Variants in JAZF1 observed in about 807,000 individuals in gnomAD.
The protein encoded by JAZF1 is juxtaposed with another zinc finger protein 1.
A neutral mutation model predicts 26.4 loss-of-function variants in JAZF1; 8 were observed. The ratio of observed to expected loss-of-function variants is 0.30; its 90% CI spans 0.18 to 0.55. The LOEUF (loss-of-function observed/expected upper bound fraction) is 0.55, where lower values mean the gene tolerates loss of function less well. Ranked by LOEUF, JAZF1 falls within the 20% of genes least tolerant of loss-of-function variation. JAZF1 has a pLI of 0.94. For synonymous variants in JAZF1, 126 were observed against 122.3 expected, an observed-to-expected ratio of 1.03 and a Z score of -0.20; for missense variants, 199 against 322.0, an observed-to-expected ratio of 0.62 and a Z score of 2.92.
intron 2 of JAZF1, among the ~76,000 whole-genome samples, chr7:27,966,934 G>C (rs967319118): frequency 6.6e-6 from 1 of 152,114 alleles, no homozygotes; most frequent in African/African-American, 2.4e-5. Context: ...AAACTGATGG[G>C]GGCATCCAGG....
intron 1 of JAZF1, among the ~76,000 whole-genome samples, chr7:28,115,042 C>G (rs975715290): frequency 2.0e-5 from 3 of 152,122 alleles, no homozygotes; most frequent in African/African-American, 7.2e-5. Flanking sequence ...CAAAGGGTCT[C>G]TGTAGGCATG....
At chr7:27,998,157 A>C (rs1786061123) in intron 1 of JAZF1, among the ~76,000 whole-genome samples, 3 of 152,108 alleles carry the variant, frequency 2.0e-5, no homozygotes, top group African/African-American at 7.2e-5. Flanking sequence ...GTTTACTTAC[A>C]CAAACCTGGT....
chr7:28,051,695 T>C (rs1314993988), intron 1 of JAZF1, among the ~76,000 whole-genome samples: 5 of 152,006 alleles, frequency 3.3e-5, no homozygotes, highest in Non-Finnish European at 7.4e-5. Context: ...ACTAAAAAAA[T>C]GTCCTGGGGT....
intron 1 of JAZF1, among the ~76,000 whole-genome samples, chr7:28,064,325 G>A (rs1425780931): frequency 6.6e-6 from 1 of 151,944 alleles, no homozygotes; most frequent in Non-Finnish European, 1.5e-5. Context: ...TTAAAAGAAG[G>A]AAACTATGTA....
chr7:27,860,970 T>C (rs1236310515), intron 3 of JAZF1, among the ~76,000 whole-genome samples: 1 of 152,196 alleles, frequency 6.6e-6, no homozygotes, highest in Admixed American at 6.5e-5. Flanking sequence ...GGGATTCCCC[T>C]TCTCCACTGT....
At chr7:27,859,531 A>G (rs1373642500) in intron 3 of JAZF1, among the ~76,000 whole-genome samples, 1 of 152,246 alleles carries the variant, frequency 6.6e-6, no homozygotes, top group Non-Finnish European at 1.5e-5. Flanking sequence ...ATGGAATACT[A>G]TGCAGCCATA....
At chr7:28,169,729 C>T (rs1783422889) in intron 1 of JAZF1, among the ~76,000 whole-genome samples, 1 of 152,126 alleles carries the variant, frequency 6.6e-6, no homozygotes, top group Admixed American at 6.5e-5. Context: ...ATAATTTCTG[C>T]TTATTTATGC....
chr7:27,878,244 T>C (rs1308225242), intron 3 of JAZF1, among the ~76,000 whole-genome samples: 3 of 152,212 alleles, frequency 2.0e-5, no homozygotes, highest in Non-Finnish European at 4.4e-5. Flanking sequence ...TACTGTTTTA[T>C]GCAATTTAGC....
intron 3 of JAZF1, among the ~76,000 whole-genome samples, chr7:27,869,895 C>T (rs1023251723): frequency 6.6e-6 from 1 of 152,002 alleles, no homozygotes; most frequent in Non-Finnish European, 1.5e-5. Context: ...AGCCCTGCCT[C>T]CCTAACTACA....
At chr7:27,942,772 G>A (rs1784868874) in intron 2 of JAZF1, among the ~76,000 whole-genome samples, 1 of 152,204 alleles carries the variant, frequency 6.6e-6, no homozygotes, top group African/African-American at 2.4e-5. Context: ...ACACCGTTAT[G>A]TGGCACTCTA....
chr7:28,065,608 A>C (rs569975662), intron 1 of JAZF1, among the ~76,000 whole-genome samples: 1 of 152,334 alleles, frequency 6.6e-6, no homozygotes, highest in African/African-American at 2.4e-5. Flanking sequence ...ATTTCGAAAA[A>C]TTACCAAAAA....
At chr7:27,893,389 T>C (rs1032808669) in intron 3 of JAZF1, among the ~76,000 whole-genome samples, 15 of 152,200 alleles carry the variant, frequency 9.9e-5, no homozygotes, top group African/African-American at 3.6e-4. Flanking sequence ...CTCTTTGCTC[T>C]TCGATTCAAC....
At chr7:27,889,049 A>G (rs1045506387) in intron 3 of JAZF1, among the ~76,000 whole-genome samples, 1 of 152,184 alleles carries the variant, frequency 6.6e-6, no homozygotes, top group African/African-American at 2.4e-5. Flanking sequence ...TCAAAATTCA[A>G]GCTAGAAGGC....
chr7:28,091,367 C>G (rs1345832547), intron 1 of JAZF1, among the ~76,000 whole-genome samples: 2 of 151,776 alleles, frequency 1.3e-5, no homozygotes, highest in Admixed American at 1.3e-4. Context: ...AGTTGTTAAA[C>G]TAGGTATTTA....
chr7:28,124,275 C>A (rs915012383), intron 1 of JAZF1, among the ~76,000 whole-genome samples: 14 of 152,306 alleles, frequency 9.2e-5, no homozygotes, highest in African/African-American at 3.4e-4. Context: ...GCAAGCCACA[C>A]AAAGAGGCCT....
chr7:27,906,110 G>A (rs1784251858), intron 2 of JAZF1, among the ~76,000 whole-genome samples: 2 of 152,196 alleles, frequency 1.3e-5, no homozygotes, highest in Admixed American at 6.5e-5. Flanking sequence ...GGAATTGCTT[G>A]AAATATGCTA....
At chr7:27,890,789 T>A (rs1384078562) in intron 3 of JAZF1, among the ~76,000 whole-genome samples, 2 of 145,450 alleles carry the variant, frequency 1.4e-5, no homozygotes, top group East Asian at 4.0e-4. Flanking sequence ...TACTACTTTT[T>A]TTTTTTTTTT....
intron 1 of JAZF1, among the ~76,000 whole-genome samples, chr7:28,162,818 T>G (rs1250010294): frequency 1.3e-5 from 2 of 152,210 alleles, no homozygotes; most frequent in African/African-American, 4.8e-5. Context: ...TCAGGAGTCT[T>G]TATTTCAGGC....
intron 1 of JAZF1, among the ~76,000 whole-genome samples, chr7:28,113,057 G>A (rs929723266): frequency 1.3e-5 from 2 of 152,124 alleles, no homozygotes; most frequent in African/African-American, 4.8e-5. Context: ...ACATAATCTC[G>A]AAGGGGAAAT....
Sources: allele counts gnomAD v4.1 joint callset (sites outside exome capture counted in the v4.1 genomes callset), GRCh38; gene constraint gnomAD v4.1.1; transcripts MANE v1.5; gene names NCBI Gene and HGNC (gene_info 2026-07-23, HGNC 2026-07-21).